The following MAP2K4 variants were observed in gnomAD, a reference collection of about 807,000 sequenced individuals.
The protein encoded by MAP2K4 is dual specificity mitogen-activated protein kinase kinase 4.
A neutral mutation model predicts 48.5 loss-of-function variants in MAP2K4; 4 were observed. The ratio of observed to expected loss-of-function variants is 0.08; its 90% CI spans 0.04 to 0.19. MAP2K4 has a LOEUF of 0.19. Ranked by LOEUF, MAP2K4 falls within the 10% of genes least tolerant of loss-of-function variation. MAP2K4 has a pLI of 1.00. For missense variants in MAP2K4, 258 were observed against 493.3 expected, an observed-to-expected ratio of 0.52 and a Z score of 4.52; for synonymous variants, 166 against 173.1, an observed-to-expected ratio of 0.96 and a Z score of 0.32.
At chr17:12,049,054 A>G (rs535810256) in intron 1 of MAP2K4, among the ~76,000 whole-genome samples, 18 of 152,282 alleles carry the variant, frequency 1.2e-4, no homozygotes, top group African/African-American at 4.3e-4. Context: ...CTTTACTACC[A>G]CTTTATTTCC....
chr17:12,021,855 G>T (rs1010440855), intron 1 of MAP2K4, among the ~76,000 whole-genome samples: 1 of 151,956 alleles, frequency 6.6e-6, no homozygotes, highest in African/African-American at 2.4e-5. Flanking sequence ...GCTAATTAAT[G>T]ACTTTCCCCA....
intron 1 of MAP2K4, among the ~76,000 whole-genome samples, chr17:12,038,501 A>G (rs963495359): frequency 3.3e-5 from 5 of 152,172 alleles, no homozygotes; most frequent in Non-Finnish European, 5.9e-5. Flanking sequence ...CAGTTAACAA[A>G]TGTGTATCTA....
chr17:12,076,497 C>T (rs985692364), intron 2 of MAP2K4, among the ~76,000 whole-genome samples: 1 of 152,126 alleles, frequency 6.6e-6, no homozygotes, highest in African/African-American at 2.4e-5. Flanking sequence ...TCACTGCAAA[C>T]ATGTAGCCTC....
chr17:12,057,547 C>G (rs1474507942), intron 2 of MAP2K4, among the ~76,000 whole-genome samples: 1 of 152,016 alleles, frequency 6.6e-6, no homozygotes, highest in Admixed American at 6.5e-5. Flanking sequence ...TCAGATTAAC[C>G]CTTTTAGTTT....
At chr17:12,085,488 A>G (rs1218450350) in intron 3 of MAP2K4, among the ~76,000 whole-genome samples, 2 of 151,864 alleles carry the variant, frequency 1.3e-5, no homozygotes, top group East Asian at 1.9e-4. Context: ...TGAGTTAGCA[A>G]TGTGACCTGG....
chr17:12,043,041 C>T lies in MAP2K4; in HGVS notation c.116-11848C>T, dbSNP rs140469811. On this transcript the variant is annotated intron_variant, in intron 1 of 10. Transcript: ENST00000353533. ...CAGCCTGGGCGACAGAGTGAGACTCCGTCTCAAAAAAAAAAAAAGATGTTC... is the reference window on the plus strand; with the variant it reads ...CAGCCTGGGCGACAGAGTGAGACTCTGTCTCAAAAAAAAAAAAAGATGTTC... Among the ~76,000 whole-genome samples the T allele has an allele frequency of 5.5e-3, 830 of 150,058 alleles. 6 individuals are homozygous for T. Among genetic ancestry groups the T allele is most frequent in the Non-Finnish European group, 8.2e-3 (557 of 67,690 alleles).
chr17:12,072,742 A>G (rs1054729709), intron 2 of MAP2K4, among the ~76,000 whole-genome samples: 2 of 152,328 alleles, frequency 1.3e-5, no homozygotes, highest in South Asian at 4.1e-4. Context: ...TCTTTGTGTT[A>G]TGTAAAATAC....
chr17:12,092,469 T>C (rs767787863), intron 3 of MAP2K4, among the ~76,000 whole-genome samples: 2 of 152,228 alleles, frequency 1.3e-5, no homozygotes, highest in African/African-American at 2.4e-5. Context: ...CCCATAGATA[T>C]TGTTTTGATG....
intron 9 of MAP2K4, among the ~76,000 whole-genome samples, chr17:12,134,489 A>G (rs570441240): frequency 3.9e-5 from 6 of 152,238 alleles, no homozygotes; most frequent in Non-Finnish European, 5.9e-5. Context: ...TGTAAGTAAC[A>G]CCGTTTAGTT....
chr17:12,041,248 A>G (rs902642289), intron 1 of MAP2K4, among the ~76,000 whole-genome samples: 2 of 152,254 alleles, frequency 1.3e-5, no homozygotes, highest in African/African-American at 4.8e-5. Flanking sequence ...AATGAGGGTC[A>G]AAAGAAGCCA....
At chr17:12,105,703 TG>T (rs1972087916) in intron 4 of MAP2K4, among the ~76,000 whole-genome samples, 1 of 152,138 alleles carries the variant, frequency 6.6e-6, no homozygotes, top group African/African-American at 2.4e-5. Context: ...GCCATTGTGT[TG>T]TTTGTATGAC....
intron 1 of MAP2K4, among the ~76,000 whole-genome samples, chr17:12,035,918 T>A (rs1486902194): frequency 6.6e-6 from 1 of 152,220 alleles, no homozygotes; most frequent in African/African-American, 2.4e-5. Flanking sequence ...GCTATGTCAC[T>A]CTCTTTTAAT....
intron 3 of MAP2K4, among the ~76,000 whole-genome samples, chr17:12,093,987 T>C (rs11869354): frequency 0.04 from 6,122 of 152,298 alleles, 391 homozygotes; most frequent in African/African-American, 0.14. Flanking sequence ...AAATATCCTT[T>C]TTGAGCAAAC....
At chr17:12,124,632 C>T (rs1159416416) in intron 7 of MAP2K4, 1 of 151,980 alleles carries the variant, frequency 6.6e-6, no homozygotes, top group Non-Finnish European at 1.5e-5. Flanking sequence ...GTTTGTCACT[C>T]GTTGCCCCAA....
chr17:12,052,770 A>C (rs1970181671), intron 1 of MAP2K4, among the ~76,000 whole-genome samples: 2 of 152,172 alleles, frequency 1.3e-5, no homozygotes, highest in South Asian at 4.1e-4. Context: ...AAGTTCCTTA[A>C]CTTAATTTTT....
chr17:12,105,609 T>C (rs1159926131), intron 4 of MAP2K4, among the ~76,000 whole-genome samples: 3 of 152,080 alleles, frequency 2.0e-5, no homozygotes, highest in Non-Finnish European at 1.5e-5. Context: ...TCATCCTGTT[T>C]TCTGCTTGAG....
At chr17:12,046,925 G>T (rs1969982341) in intron 1 of MAP2K4, among the ~76,000 whole-genome samples, 1 of 151,986 alleles carries the variant, frequency 6.6e-6, no homozygotes, top group Admixed American at 6.6e-5. Flanking sequence ...AACCAAAGAA[G>T]GACTCCATAC....
At chr17:12,116,235 CTA>C (rs901796812) in intron 7 of MAP2K4, among the ~76,000 whole-genome samples, 3 of 152,018 alleles carry the variant, frequency 2.0e-5, no homozygotes, top group Non-Finnish European at 4.4e-5. Flanking sequence ...TTATTCAAAT[CTA>C]AAAAAATATG....
chr17:12,034,988 T>A (rs945964421), intron 1 of MAP2K4, among the ~76,000 whole-genome samples: 2 of 152,144 alleles, frequency 1.3e-5, no homozygotes. Flanking sequence ...GCTGGAGACT[T>A]GGTAGAGATG....
Sources: gnomAD v4.1 joint callset for allele counts (sites outside exome capture counted in the v4.1 genomes callset) on GRCh38, gnomAD v4.1.1 for gene constraint, MANE v1.5 for transcripts, NCBI Gene and HGNC (gene_info 2026-07-23, HGNC 2026-07-21) for gene names.